Variants in RNF217 observed in about 807,000 individuals in gnomAD.
The protein encoded by RNF217 is E3 ubiquitin-protein ligase RNF217.
RNF217 carries 31 observed loss-of-function variants against 57.8 expected under a neutral mutation model. The ratio of observed to expected loss-of-function variants is 0.54; its 90% CI spans 0.40 to 0.72. RNF217 has a LOEUF of 0.72. Among genes scored for constraint, RNF217 ranks in the 30% least tolerant of loss-of-function variants. The pLI is 0.00. For missense variants in RNF217, 696 were observed against 708.3 expected (o/e 0.98, Z 0.20); for synonymous variants, 313 against 294.0 (o/e 1.06, Z -0.66).
intron 1 of RNF217, among the ~76,000 whole-genome samples, chr6:125,032,715 A>T (rs1201753769): frequency 6.6e-6 from 1 of 152,294 alleles, no homozygotes; most frequent in African/African-American, 2.4e-5. Context: ...TTTATGAACT[A>T]TGATCATTTT....
rs1783376274 is a variant in RNF217 at position 124,963,246 on chromosome 6, C to T, written c.702C>T (p.Phe234=). 1.3e-6 allele frequency: 2 copies of T among 1,536,124 alleles called. No individual in the cohort carries two copies. Among genetic ancestry groups the T allele is most frequent in the Non-Finnish European group, 1.7e-6 (2 of 1,146,902 alleles). Reference sequence around the variant, plus strand: ...AGTTCTACCTGGCGCCCGAGCCGTTCTCCATGCCCAGCCTGTTGGGAGCTC... The same window carrying T: ...AGTTCTACCTGGCGCCCGAGCCGTTTTCCATGCCCAGCCTGTTGGGAGCTC... ...ELEFYLAPEP[F]SMPSLLGAPP... Residue 234 remains phenylalanine (F), a synonymous_variant, in exon 1 of 6, where the codon TTC becomes TTT. Coordinates refer to ENST00000521654, the MANE Select transcript of RNF217 (RefSeq NM_001286398.3).
intron 1 of RNF217, among the ~76,000 whole-genome samples, chr6:124,964,391 GTTGT>G (rs574896902): frequency 5.5e-4 from 83 of 152,210 alleles, no homozygotes; most frequent in African/African-American, 2.0e-3. Context: ...ATGCACTGAA[GTTGT>G]TTCTTTCGTG....
chr6:124,964,307 A>G (rs1213529216), intron 1 of RNF217, among the ~76,000 whole-genome samples: 4 of 151,930 alleles, frequency 2.6e-5, no homozygotes, highest in Non-Finnish European at 5.9e-5. Context: ...TCAGGTGCCA[A>G]CTCTTCTGTG....
At chr6:125,075,786 A>G (rs1429327877) in intron 3 of RNF217, among the ~76,000 whole-genome samples, 2 of 152,160 alleles carry the variant, frequency 1.3e-5, no homozygotes, top group Non-Finnish European at 2.9e-5. Flanking sequence ...GATGGCTCTA[A>G]TTTCTATACA....
At chr6:125,045,863 C>G (rs933951840) in intron 2 of RNF217, among the ~76,000 whole-genome samples, 1 of 151,616 alleles carries the variant, frequency 6.6e-6, no homozygotes, top group African/African-American at 2.4e-5. Flanking sequence ...TTCATTTATT[C>G]AGCAAATACA....
At position 125,079,490 on chromosome 6, in the gene RNF217, G is replaced by A. The variant is rs886373828; in HGVS notation, c.1484-1946G>A. ...AGCCAGAATTGAAGAAATACAAATA[G>A]CCAATACATATGTTCAAAAATATTC... On this transcript the variant is annotated intron_variant, in intron 4 of 5. Coordinates refer to ENST00000521654, the MANE Select transcript of RNF217 (RefSeq NM_001286398.3). Among the ~76,000 whole-genome samples the A allele has an allele frequency of 4.1e-5, 6 of 148,072 alleles. No homozygotes were observed. The South Asian group carries it at 6.3e-4, about 16-fold the overall frequency.
intron 1 of RNF217, among the ~76,000 whole-genome samples, chr6:124,973,619 T>A (rs1457337952): frequency 1.3e-5 from 2 of 152,192 alleles, no homozygotes; most frequent in Admixed American, 6.5e-5. Context: ...ACTTTTGACA[T>A]CTTATTCCAC....
In RNF217 at chr6:124,983,371, A is replaced by G. The variant is rs1343932556; in HGVS notation, c.882+19945A>G. On this transcript the variant is annotated intron_variant, in intron 1 of 5. Coordinates refer to ENST00000521654, the MANE Select transcript of RNF217 (RefSeq NM_001286398.3). ...ACTCCGACTGTGTACTTTATTTAGT[A>G]TACAGAGGAGGACACAAACATGAGA... is the stretch of plus-strand genomic sequence containing the variant. 5.1e-6 allele frequency: 5 copies of G among 985,034 alleles called. No individual in the cohort carries two copies. In the East Asian group the frequency reaches 3.4e-4, roughly 67 times the overall value. 61.0% of individuals were successfully genotyped at this position (985,034 alleles called of 1,614,324 possible).
chr6:124,962,835 T>C lies in RNF217; in HGVS notation c.291T>C (p.Asn97=), dbSNP rs1442854714. ...GACTGGCACTCACCGGGCCTCTCAATCCCCAGACCTTGCCACTGCAGTTGG... is the reference window on the plus strand; with the variant it reads ...GACTGGCACTCACCGGGCCTCTCAACCCCCAGACCTTGCCACTGCAGTTGG... ...PAGLALTGPL[N]PQTLPLQLEL... The change falls in exon 1 of 6, where the codon AAT becomes AAC. Residue 97 remains asparagine, a synonymous_variant. Coordinates refer to ENST00000521654, the MANE Select transcript of RNF217 (RefSeq NM_001286398.3). The surrounding 1 kb of genome is among the most constrained non-coding windows in gnomAD (Gnocchi z 4.6). 6.3e-7 allele frequency: 1 copy of C among 1,597,586 alleles called. No individual in the cohort carries two copies. The highest frequency in any genetic ancestry group is 1.7e-5 in the Admixed American group (1 of 59,994).
intron 2 of RNF217, among the ~76,000 whole-genome samples, chr6:125,049,107 C>A (rs1394693522): frequency 1.3e-5 from 2 of 151,954 alleles, no homozygotes; most frequent in African/African-American, 4.8e-5. Flanking sequence ...TAATTTCTAA[C>A]CTGAATAGTT....
Position 125,045,432 on chromosome 6 carries a change from A to C in RNF217, c.1104A>C (p.Glu368Asp), listed in dbSNP as rs758732962. Residue 368 changes from glutamate (E) to aspartate (D), a missense_variant, in exon 2 of 6, where the codon GAA becomes GAC. Glu to Asp is a conservative substitution (Grantham distance 45). Coordinates refer to ENST00000521654, the MANE Select transcript of RNF217 (RefSeq NM_001286398.3). ...KGHIPTPSRS[E>D]SKYKIQCPTC... ...ATATTCCCACCCCTTCCAGATCAGA[A>C]AGCAAATACAAAGTAAGCATTTTCA... 6.2e-7 allele frequency: 1 copy of C among 1,611,628 alleles called. No homozygotes were observed. Among genetic ancestry groups the C allele is most frequent in the Admixed American group, 1.7e-5 (1 of 59,770 alleles).
At chr6:125,080,276 C>T (rs1318382201) in intron 4 of RNF217, among the ~76,000 whole-genome samples, 1 of 151,910 alleles carries the variant, frequency 6.6e-6, no homozygotes, top group Non-Finnish European at 1.5e-5. Context: ...TAAATAAAAC[C>T]CATATCTAGA....
chr6:124,965,949 A>G (rs980101873), intron 1 of RNF217, among the ~76,000 whole-genome samples: 3 of 152,240 alleles, frequency 2.0e-5, no homozygotes, highest in African/African-American at 7.2e-5. Flanking sequence ...TGTCTGGTAT[A>G]TAACAGATGG....
chr6:125,006,564 C>G (rs1210021935), intron 1 of RNF217, among the ~76,000 whole-genome samples: 1 of 152,176 alleles, frequency 6.6e-6, no homozygotes, highest in East Asian at 1.9e-4. Context: ...TCAATGAAAG[C>G]ATACTATTCT....
intron 1 of RNF217, among the ~76,000 whole-genome samples, chr6:125,036,278 A>T (rs1786612061): frequency 6.6e-6 from 1 of 152,188 alleles, no homozygotes; most frequent in Non-Finnish European, 1.5e-5. Flanking sequence ...ATGGCTGCAT[A>T]GTATTCTATG....
chr6:124,980,056 T>C (rs1392563775), intron 1 of RNF217, among the ~76,000 whole-genome samples: 2 of 152,190 alleles, frequency 1.3e-5, no homozygotes, highest in East Asian at 1.9e-4. Flanking sequence ...AGTTTTTATC[T>C]TTCAAGCAAC....
At position 125,087,857 on chromosome 6, in the gene RNF217, T is replaced by G. The variant is rs982310809; in HGVS notation, c.*4920T>G. On this transcript the variant is annotated 3_prime_UTR_variant, in exon 6 of 6. Coordinates refer to ENST00000521654, the MANE Select transcript of RNF217 (RefSeq NM_001286398.3). ...AAAGTTTTAACTGCAATTTCATAAT[T>G]CATGAATTCTATAAAAGAAATCTCC... 1 of 152,044 alleles carries G rather than the reference T, an allele frequency of 6.6e-6. No homozygotes were observed. The highest frequency in any genetic ancestry group is 1.5e-5 in the Non-Finnish European group (1 of 67,970). The allele number at this position is 152,044 out of a possible 1,614,324, so 9.4% of individuals were successfully genotyped here.
In RNF217 at chr6:125,087,577, A is replaced by G. The variant is rs1788807553; in HGVS notation, c.*4640A>G. 1 of 152,186 alleles carries G rather than the reference A, an allele frequency of 6.6e-6. No individual in the cohort carries two copies. The highest frequency in any genetic ancestry group is 1.5e-5 in the Non-Finnish European group (1 of 68,024). The allele number at this position is 152,186 out of a possible 1,614,324, so 9.4% of individuals were successfully genotyped here. Reference sequence around the variant, plus strand: ...TTCAATGGAGACAGTATACAAAGTTAAAGCAACTGATACATATATTTCAGT... The same window carrying G: ...TTCAATGGAGACAGTATACAAAGTTGAAGCAACTGATACATATATTTCAGT... On this transcript the variant is annotated 3_prime_UTR_variant, in exon 6 of 6. Transcript: ENST00000521654.
chr6:124,980,237 G>A (rs1784113684), intron 1 of RNF217, among the ~76,000 whole-genome samples: 1 of 152,142 alleles, frequency 6.6e-6, no homozygotes, highest in African/African-American at 2.4e-5. Flanking sequence ...CTGATTGTCA[G>A]AATCAGTTTT....
Sources: allele counts gnomAD v4.1 joint callset (sites outside exome capture counted in the v4.1 genomes callset), GRCh38; gene constraint gnomAD v4.1.1; non-coding constraint Gnocchi (gnomAD v3.1); transcripts MANE v1.5; gene names NCBI Gene and HGNC (gene_info 2026-07-23, HGNC 2026-07-21).